SNED1: variants seen among roughly 807,000 people sequenced by gnomAD.
SNED1 encodes the protein sushi, nidogen and EGF-like domain-containing protein 1.
A neutral mutation model predicts 166.7 loss-of-function variants in SNED1; 81 were observed. The ratio of observed to expected loss-of-function variants is 0.49; its 90% CI spans 0.41 to 0.58. The LOEUF (loss-of-function observed/expected upper bound fraction) is 0.58, where lower values mean the gene tolerates loss of function less well. SNED1 is among the 20% of genes least tolerant of loss of function. The pLI, the probability that SNED1 is intolerant of heterozygous loss-of-function variation, is 0.00. For missense variants in SNED1, 1,604 were observed against 2,000.2 expected, an observed-to-expected ratio of 0.80 and a Z score of 3.78; for synonymous variants, 762 against 822.0, an observed-to-expected ratio of 0.93 and a Z score of 1.25.
chr2:241,041,574 A>G (rs2061522078), intron 8 of SNED1, among the ~76,000 whole-genome samples: 1 of 152,052 alleles, frequency 6.6e-6, no homozygotes, highest in South Asian at 2.1e-4. Context: ...AATCCCAGCT[A>G]CTCGGGAGGT....
chr2:241,005,937 C>A, intron 1 of SNED1, among the ~76,000 whole-genome samples: 1 of 151,934 alleles, frequency 6.6e-6, no homozygotes, highest in Non-Finnish European at 1.5e-5. Context: ...CGTATAGTTT[C>A]CATGAAATTT....
At chr2:241,015,036 C>G (rs768331135) in intron 1 of SNED1, among the ~76,000 whole-genome samples, 3 of 152,214 alleles carry the variant, frequency 2.0e-5, no homozygotes, top group Non-Finnish European at 2.9e-5. Context: ...GCTGGTGTCT[C>G]CTAGAACAAG....
At chr2:241,040,279 C>T (rs755055158) in intron 7 of SNED1, 21 bp from the exon 8 acceptor site, 8 of 1,583,302 alleles carry the variant, frequency 5.1e-6, no homozygotes, top group East Asian at 2.3e-5. Context: ...AAGCCAAGCC[C>T]GCACCTCTGC....
In SNED1 at chr2:240,999,058, AC is replaced by A. The variant is rs1414243427; in HGVS notation, c.213+13del. On this transcript the variant is annotated intron_variant, in intron 1 of 31. Coordinates refer to ENST00000310397, the MANE Select transcript of SNED1 (RefSeq NM_001080437.3). The surrounding 1 kb of genome is among the most constrained non-coding windows in gnomAD (Gnocchi z 5.8). ...GAGCACTCCGGACTCTACGTGAGTA[AC>A]CCCCGGGCTCGCGGGGCGCCCGGGA... The A allele has an allele frequency of 7.8e-6, 10 of 1,280,518 alleles. No homozygotes were observed. The highest frequency in any genetic ancestry group is 4.4e-5 in the South Asian group (2 of 45,422). The allele number at this position is 1,280,518 out of a possible 1,614,324, so 79.3% of individuals were successfully genotyped here.
At chr2:241,037,379 G>T in intron 6 of SNED1, 26 bp downstream of exon 6, 1 of 1,489,786 alleles carries the variant, frequency 6.7e-7, no homozygotes, top group Non-Finnish European at 9.2e-7. Context: ...CGGGGCCCAC[G>T]GGGCCCTGCT....
intron 8 of SNED1, among the ~76,000 whole-genome samples, chr2:241,041,832 A>G (rs2125048604): frequency 6.6e-6 from 1 of 152,356 alleles, no homozygotes; most frequent in South Asian, 2.1e-4. Flanking sequence ...GACACTACAA[A>G]AAAGAGTCTC....
At chr2:241,078,548 T>C (rs867299598) in intron 27 of SNED1, among the ~76,000 whole-genome samples, 5 of 151,754 alleles carry the variant, frequency 3.3e-5, no homozygotes, top group Non-Finnish European at 5.9e-5. Flanking sequence ...CAGAAGACTC[T>C]ATGTACTATG....
chr2:241,038,656 C>T (rs1404098601), intron 6 of SNED1, among the ~76,000 whole-genome samples: 1 of 152,262 alleles, frequency 6.6e-6, no homozygotes, highest in Non-Finnish European at 1.5e-5. Flanking sequence ...TCCTGCCCTG[C>T]TTGCCCACGT....
At chr2:241,071,440 A>T (rs2062709704) in intron 24 of SNED1, 136 bp from the exon 25 acceptor site, 1 of 1,017,822 alleles carries the variant, frequency 9.8e-7, no homozygotes, top group East Asian at 2.6e-5. Flanking sequence ...ACCTTGGATG[A>T]CCACGGCCCA....
intron 29 of SNED1, among the ~76,000 whole-genome samples, chr2:241,085,051 C>T (rs1161716134): frequency 6.6e-6 from 1 of 151,982 alleles, no homozygotes; most frequent in Non-Finnish European, 1.5e-5. Flanking sequence ...TATGTTTTCC[C>T]TTTATGACTG....
intron 4 of SNED1, among the ~76,000 whole-genome samples, chr2:241,035,237 C>G (rs1376764862): frequency 6.6e-6 from 1 of 152,114 alleles, no homozygotes; most frequent in Non-Finnish European, 1.5e-5. Context: ...CTCATTTTTG[C>G]CAGCGGGCTT....
In SNED1 at chr2:241,018,579, C is replaced by G. The variant is rs2124889170; in HGVS notation, c.214-11705C>G. ...AGAATGCACATCCCAGGAACTTTCA[C>G]TCACCTTTCCCCAGTTTGTCCCCAA... On this transcript the variant is annotated intron_variant, in intron 1 of 31. Transcript: ENST00000310397. This position sits in a 1 kb window ranked among gnomAD's most constrained non-coding sequence, Gnocchi z 5.4. Among the ~76,000 whole-genome samples the G allele has an allele frequency of 6.6e-6, 1 of 152,354 alleles. No homozygotes were observed. Among genetic ancestry groups the G allele is most frequent in the Admixed American group, 6.5e-5 (1 of 15,308 alleles).
chr2:241,085,104 C>T (rs941092094), intron 29 of SNED1, among the ~76,000 whole-genome samples: 1 of 151,868 alleles, frequency 6.6e-6, no homozygotes, highest in Non-Finnish European at 1.5e-5. Context: ...GGTATGGCTA[C>T]GTTTTGATTC....
chr2:241,045,162 A>G (rs572086105), intron 8 of SNED1, among the ~76,000 whole-genome samples: 2 of 152,376 alleles, frequency 1.3e-5, no homozygotes, highest in South Asian at 4.1e-4. Flanking sequence ...ATCAAGATCA[A>G]GTAAATGGAC....
At chr2:241,060,478 G>A (rs781445680) in intron 16 of SNED1, among the ~76,000 whole-genome samples, 13 of 152,064 alleles carry the variant, frequency 8.5e-5, no homozygotes, top group Non-Finnish European at 1.2e-4. Context: ...CACCATGCCC[G>A]TCCCTAACTA....
At chr2:241,055,045 A>G (rs2062001449) in intron 16 of SNED1, among the ~76,000 whole-genome samples, 1 of 152,046 alleles carries the variant, frequency 6.6e-6, no homozygotes, top group Admixed American at 6.6e-5. Flanking sequence ...TGAGCCTGGG[A>G]GGCGGAGGTT....
At position 241,092,272 on chromosome 2, in the gene SNED1, A is replaced by G. The variant is rs1245647731; in HGVS notation, c.*636A>G. On this transcript the variant is annotated 3_prime_UTR_variant, in exon 32 of 32. Coordinates refer to ENST00000310397, the MANE Select transcript of SNED1 (RefSeq NM_001080437.3). The surrounding 1 kb of genome is among the most constrained non-coding windows in gnomAD (Gnocchi z 4.6). ...AGGTGGAGTTCAGACTTTTTTAGAC[A>G]ACGGCGCGACTGGCAGCCTTTCTCT... The G allele has an allele frequency of 6.6e-6, 1 of 152,162 alleles. No homozygotes were observed. Among genetic ancestry groups the G allele is most frequent in the African/African-American group, 2.4e-5 (1 of 41,420 alleles). 9.4% of individuals were successfully genotyped at this position (152,162 alleles called of 1,614,324 possible). A position where few individuals can be genotyped will look rare whatever the true frequency, so the allele number is the denominator to read the frequency against.
Position 241,053,177 on chromosome 2 carries a change from A to G in SNED1, c.2108A>G (p.Glu703Gly), listed in dbSNP as rs779884573. The change falls in exon 16 of 32, where the codon GAG (glutamate) becomes GGG (glycine). Residue 703 changes from glutamate (E) to glycine (G), a missense_variant. Physicochemically the swap from Glu to Gly is moderately conservative, Grantham distance 98. This residue lies in a region of SNED1 where 1,237 missense variants were observed against 1,620.8 expected (regional missense o/e 0.76). Transcript: ENST00000310397. ...GAGGTGGACTGCGGCCCCCCGGAGGAGGTGAAGCACGCCACACTGCGCTTC... is the reference window on the plus strand; with the variant it reads ...GAGGTGGACTGCGGCCCCCCGGAGGGGGTGAAGCACGCCACACTGCGCTTC... ...QAEVDCGPPE[E>G]VKHATLRFNG... 5 of 1,610,966 alleles carry G rather than the reference A, an allele frequency of 3.1e-6. No individual in the cohort carries two copies. The South Asian group carries it at 5.5e-5, about 18-fold the overall frequency.
intron 20 of SNED1, 143 bp downstream of exon 20, chr2:241,065,100 C>T (rs1373826406): frequency 7.3e-6 from 6 of 819,484 alleles, no homozygotes; most frequent in East Asian, 5.4e-5. Flanking sequence ...ATAAAATCCC[C>T]CGGTGGGCTT....
Sources: allele counts gnomAD v4.1 joint callset (sites outside exome capture counted in the v4.1 genomes callset), GRCh38; gene constraint gnomAD v4.1.1; regional missense constraint gnomAD v4.1.1; non-coding constraint Gnocchi (gnomAD v3.1); transcripts MANE v1.5; gene names NCBI Gene and HGNC (gene_info 2026-07-23, HGNC 2026-07-21).